Variants in DEFB107B observed in about 807,000 individuals in gnomAD.
DEFB107B encodes the protein beta-defensin 107.
chr8:7,497,423 G>A (rs1811795768), intron 1 of DEFB107B, among the ~76,000 whole-genome samples: 2 of 151,610 alleles, frequency 1.3e-5, no homozygotes, highest in African/African-American at 4.8e-5. Context: ...AGTCATAGAT[G>A]TGGAAACTTG....
At position 7,503,717 on chromosome 8, in the gene DEFB107B, C is replaced by T. The variant is rs1232127637; in HGVS notation, c.71-5364C>T. ...AATGTAAAATCTCCATACTTTGATA[C>T]ACTTCTGAGGCTGTGCCTATGCCGA... On this transcript the variant is annotated intron_variant, in intron 1 of 1. Coordinates refer to ENST00000355602, the MANE Select transcript of DEFB107B (RefSeq NM_001040705.2). 2.2e-4 allele frequency among the ~76,000 whole-genome samples: 5 copies of T among 22,960 alleles called. 2 individuals carry two copies. Among genetic ancestry groups the T allele is most frequent in the African/African-American group, 3.8e-4 (5 of 13,004 alleles). 15.1% of individuals were successfully genotyped at this position (22,960 alleles called of 152,430 possible).
chr8:7,496,644 A>G (rs1255663829), intron 1 of DEFB107B, among the ~76,000 whole-genome samples: 148 of 124,976 alleles, frequency 1.2e-3, no homozygotes, highest in African/African-American at 4.3e-3. Flanking sequence ...AAAAAAAAAA[A>G]AAAGAAAGAA....
chr8:7,507,145 C>T lies in DEFB107B; in HGVS notation c.71-1936C>T, dbSNP rs1265098791. ...CAAGCATCTGTTTAACAAAGCACAT[C>T]CTGCACCGCCCTTAATCCATTTAAC... is the stretch of plus-strand genomic sequence containing the variant. On this transcript the variant is annotated intron_variant, in intron 1 of 1. Transcript: ENST00000355602. 1.4e-4 allele frequency among the ~76,000 whole-genome samples: 2 copies of T among 14,296 alleles called. 1 individual carries two copies. Among genetic ancestry groups the T allele is most frequent in the Non-Finnish European group, 4.8e-4 (2 of 4,154 alleles). The allele number at this position is 14,296 out of a possible 152,430, so 9.4% of individuals were successfully genotyped here. A position where few individuals can be genotyped will look rare whatever the true frequency, so the allele number is the denominator to read the frequency against.
At chr8:7,500,679 G>A (rs1361751649) in intron 1 of DEFB107B, among the ~76,000 whole-genome samples, 3 of 49,196 alleles carry the variant, frequency 6.1e-5, no homozygotes, top group African/African-American at 1.8e-4. Context: ...CATACTCTCT[G>A]GGGTTTGTGT....
chr8:7,496,287 A>ATTTTTTTTTTTTTTTT (rs1811728281), intron 1 of DEFB107B, among the ~76,000 whole-genome samples: 1 of 74,252 alleles, frequency 1.3e-5, no homozygotes, highest in Non-Finnish European at 2.7e-5. Flanking sequence ...GGTTCAGCAT[A>ATTTTTTTTTTTTTTTT]TTCTTTTTTT....
intron 1 of DEFB107B, among the ~76,000 whole-genome samples, 190 bp downstream of exon 1, chr8:7,496,193 G>C (rs201664107): frequency 6.8e-3 from 624 of 91,162 alleles, no homozygotes; most frequent in African/African-American, 0.014. Flanking sequence ...ATAGTTTCTA[G>C]TCAACTTCCC....
At chr8:7,507,774 C>T (rs1811974437) in intron 1 of DEFB107B, among the ~76,000 whole-genome samples, 1 of 139,470 alleles carries the variant, frequency 7.2e-6, no homozygotes, top group African/African-American at 3.0e-5. Flanking sequence ...CATCATTCCA[C>T]TCCTTTTTCA....
At position 7,499,249 on chromosome 8, in the gene DEFB107B, G is replaced by A. The variant is rs1811829423; in HGVS notation, c.70+3246G>A. ...AAATCTGACGTATTCCAGTCACACT[G>A]TAACTGGAAACGATGTTCTAAGCTC... is the stretch of plus-strand genomic sequence containing the variant. On this transcript the variant is annotated intron_variant, in intron 1 of 1. Transcript: ENST00000355602. 8.0e-5 allele frequency among the ~76,000 whole-genome samples: 2 copies of A among 24,932 alleles called. 1 individual carries two copies. Among genetic ancestry groups the A allele is most frequent in the African/African-American group, 1.5e-4 (2 of 13,550 alleles). 16.4% of individuals were successfully genotyped at this position (24,932 alleles called of 152,430 possible).
chr8:7,496,440 C>A (rs1811740732), intron 1 of DEFB107B, among the ~76,000 whole-genome samples: 1 of 149,760 alleles, frequency 6.7e-6, no homozygotes, highest in South Asian at 2.1e-4. Context: ...GCTGGGACTA[C>A]ACGCACCCGC....
chr8:7,497,212 G>A (rs562847555), intron 1 of DEFB107B, among the ~76,000 whole-genome samples: 2,778 of 150,098 alleles, frequency 0.019, 6 homozygotes, highest in African/African-American at 0.066. Context: ...TATAAAGCAT[G>A]GACATTGACC....
intron 1 of DEFB107B, among the ~76,000 whole-genome samples, chr8:7,505,933 C>T (rs1405407028): frequency 2.7e-4 from 6 of 21,886 alleles, no homozygotes; most frequent in Admixed American, 7.0e-4. Flanking sequence ...AACTGAAATG[C>T]TATCTTCTTC....
chr8:7,497,561 C>T (rs1265819057), intron 1 of DEFB107B, among the ~76,000 whole-genome samples: 1 of 152,144 alleles, frequency 6.6e-6, no homozygotes, highest in Admixed American at 6.5e-5. Flanking sequence ...TTCAGTGACT[C>T]CATGAAAGTC....
At chr8:7,503,493 C>A (rs1190718895) in intron 1 of DEFB107B, among the ~76,000 whole-genome samples, 1 of 21,424 alleles carries the variant, frequency 4.7e-5, no homozygotes, top group Admixed American at 6.2e-4. Flanking sequence ...AATTTTAATG[C>A]CATCTTCATT....
intron 1 of DEFB107B, among the ~76,000 whole-genome samples, chr8:7,496,406 T>C (rs1811738258): frequency 7.3e-6 from 1 of 137,910 alleles, no homozygotes. Context: ...TTCATGCCAT[T>C]CTCCTGCCTC....
At chr8:7,496,461 G>C (rs867237426) in intron 1 of DEFB107B, among the ~76,000 whole-genome samples, 7,200 of 145,052 alleles carry the variant, frequency 0.05, 32 homozygotes, top group African/African-American at 0.19. Flanking sequence ...CACCACGCCT[G>C]GCTAATTTTT....
intron 1 of DEFB107B, among the ~76,000 whole-genome samples, chr8:7,496,482 A>G (rs1811744107): frequency 6.6e-6 from 1 of 151,970 alleles, no homozygotes; most frequent in African/African-American, 2.4e-5. Context: ...TTGTATTTTT[A>G]GTAGAGACGG....
chr8:7,499,168 G>A (rs1469587769), intron 1 of DEFB107B, among the ~76,000 whole-genome samples: 1 of 25,014 alleles, frequency 4.0e-5, no homozygotes, highest in Admixed American at 5.4e-4. Context: ...TGTAGATGGC[G>A]TCTAACCATG....
At chr8:7,496,563 G>A (rs1210940290) in intron 1 of DEFB107B, among the ~76,000 whole-genome samples, 1 of 150,326 alleles carries the variant, frequency 6.7e-6, no homozygotes, top group South Asian at 2.1e-4. Flanking sequence ...GCCTCCCAGA[G>A]CCCTGGGATT....
At chr8:7,496,481 T>A (rs1428044286) in intron 1 of DEFB107B, among the ~76,000 whole-genome samples, 4 of 152,032 alleles carry the variant, frequency 2.6e-5, no homozygotes, top group Admixed American at 2.0e-4. Context: ...TTTGTATTTT[T>A]AGTAGAGACG....
Sources: gnomAD v4.1 joint callset for allele counts (sites outside exome capture counted in the v4.1 genomes callset) on GRCh38, gnomAD v4.1.1 for gene constraint, MANE v1.5 for transcripts, NCBI Gene and HGNC (gene_info 2026-07-23, HGNC 2026-07-21) for gene names.